CSNK2A2: variants seen among roughly 807,000 people sequenced by gnomAD.
The protein encoded by CSNK2A2 is casein kinase II subunit alpha'.
A neutral mutation model predicts 54.0 loss-of-function variants in CSNK2A2; 8 were observed. The observed-to-expected ratio is 0.15, with a 90% confidence interval of 0.09 to 0.27. CSNK2A2 has a LOEUF of 0.27. CSNK2A2 is among the 10% of genes least tolerant of loss of function. CSNK2A2 has a pLI of 1.00. For missense variants in CSNK2A2, 242 were observed against 439.4 expected (o/e 0.55, Z 4.02); for synonymous variants, 141 against 153.9 (o/e 0.92, Z 0.62).
rs1962009144 is a variant in CSNK2A2 at position 58,180,519 on chromosome 16, T to A, written c.369+3741A>T. 2.0e-5 allele frequency among the ~76,000 whole-genome samples: 3 copies of A among 152,102 alleles called. No homozygotes were observed. In the South Asian group the frequency reaches 6.2e-4, roughly 31 times the overall value. On this transcript the variant is annotated intron_variant, in intron 4 of 11. Transcript: ENST00000262506. ...AACCTGGATAAACTTTAAGTTATGTTTTAAAAAGGAAAGTATAGTTCAAAG... is the reference window on the plus strand; with the variant it reads ...AACCTGGATAAACTTTAAGTTATGTATTAAAAAGGAAAGTATAGTTCAAAG...
Position 58,197,825 on chromosome 16 carries a change from C to A in CSNK2A2, c.-89G>T. On this transcript the variant is annotated 5_prime_UTR_variant, in exon 1 of 12. Transcript: ENST00000262506. This position sits in a 1 kb window ranked among gnomAD's most constrained non-coding sequence, Gnocchi z 4.0. ...GCGGGGCGTCGGGCGGAGGAGGCAG[C>A]GGGCCGCCGGGCGCTGGAGGAGGAG... is the stretch of plus-strand genomic sequence containing the variant. 4.7e-6 allele frequency: 1 copy of A among 214,966 alleles called. No homozygotes were observed. The highest frequency in any genetic ancestry group is 7.2e-6 in the Non-Finnish European group (1 of 139,176). 13.3% of individuals were successfully genotyped at this position (214,966 alleles called of 1,614,324 possible).
intron 10 of CSNK2A2, 152 bp from the exon 11 acceptor site, chr16:58,164,299 C>CA: frequency 3.3e-6 from 2 of 605,166 alleles, no homozygotes; most frequent in Non-Finnish European, 5.8e-6. Context: ...CACGGAATTC[C>CA]AGCCATATAA....
chr16:58,180,564 A>C (rs1441131855), intron 4 of CSNK2A2, among the ~76,000 whole-genome samples: 1 of 152,228 alleles, frequency 6.6e-6, no homozygotes, highest in Non-Finnish European at 1.5e-5. Flanking sequence ...CATCCTTGAA[A>C]GACATCTATC....
chr16:58,163,987 T>C (rs1213499685), intron 11 of CSNK2A2, 67 bp downstream of exon 11: 1 of 1,209,466 alleles, frequency 8.3e-7, no homozygotes, highest in African/African-American at 1.5e-5. Context: ...TTTATCACAC[T>C]GTAGTTTTCC....
Position 58,164,307 on chromosome 16 carries a change from T to G in CSNK2A2, c.977-160A>C, listed in dbSNP as rs545877393. On this transcript the variant is annotated intron_variant, in intron 10 of 11. Transcript: ENST00000262506. Reference sequence around the variant, plus strand: ...CGGAAATCACGGAATTCCAGCCATATAAAAACCAAACACTGAAAAATGATC... The same window carrying G: ...CGGAAATCACGGAATTCCAGCCATAGAAAAACCAAACACTGAAAAATGATC... Among the ~76,000 whole-genome samples the G allele has an allele frequency of 1.6e-4, 25 of 152,212 alleles. 1 individual carries two copies. The highest frequency in any genetic ancestry group is 3.1e-4 in the Non-Finnish European group (21 of 68,034).
intron 2 of CSNK2A2, among the ~76,000 whole-genome samples, chr16:58,194,718 T>C (rs1003396541): frequency 2.0e-5 from 3 of 152,200 alleles, no homozygotes; most frequent in Non-Finnish European, 2.9e-5. Flanking sequence ...ATAATGACAT[T>C]AGGTAAGTTT....
In CSNK2A2 at chr16:58,158,087, CCAA is replaced by C. The variant is rs772937350; in HGVS notation, c.*281_*283del. 10 of 152,606 alleles carry C rather than the reference CCAA, an allele frequency of 6.6e-5. No homozygotes were observed. The highest frequency in any genetic ancestry group is 1.3e-4 in the Non-Finnish European group (9 of 68,044). 9.5% of individuals were successfully genotyped at this position (152,606 alleles called of 1,614,324 possible). A position where few individuals can be genotyped will look rare whatever the true frequency, so the allele number is the denominator to read the frequency against. On this transcript the variant is annotated 3_prime_UTR_variant, in exon 12 of 12. Coordinates refer to ENST00000262506, the MANE Select transcript of CSNK2A2 (RefSeq NM_001896.4). ...CGAGGGGCTCGGGGAGCAACAGTAACCAACAACATTCTGCATACCCTTCACATT... is the reference window on the plus strand; with the variant it reads ...CGAGGGGCTCGGGGAGCAACAGTAACCAACATTCTGCATACCCTTCACATT...
chr16:58,188,394 T>C (rs148121950), intron 2 of CSNK2A2, among the ~76,000 whole-genome samples: 1 of 152,328 alleles, frequency 6.6e-6, no homozygotes, highest in East Asian at 1.9e-4. Context: ...AAAAAAGCAC[T>C]GTACAATCTG....
chr16:58,185,706 G>A (rs1401889350), intron 3 of CSNK2A2, among the ~76,000 whole-genome samples: 5 of 152,136 alleles, frequency 3.3e-5, no homozygotes, highest in Non-Finnish European at 7.3e-5. Context: ...GTTACAATCT[G>A]GCATACAACC....
At chr16:58,158,486 G>A (rs367707751) in intron 11 of CSNK2A2, 133 bp from the exon 12 acceptor site, 1 of 152,312 alleles carries the variant, frequency 6.6e-6, no homozygotes, top group South Asian at 2.1e-4. Context: ...GGAGAACCCT[G>A]TGAGAACTCG....
Position 58,186,746 on chromosome 16 carries a change from G to A in CSNK2A2, c.318+9C>T, listed in dbSNP as rs1193446423. 10 of 1,609,312 alleles carry A rather than the reference G, an allele frequency of 6.2e-6. No homozygotes were observed. Among genetic ancestry groups the A allele is most frequent in the Non-Finnish European group, 6.8e-6 (8 of 1,176,080 alleles). ...TACTAGTATACTCCCCCAACCATTT[G>A]GCACCTACCACGGGGTCCTTTACAG... On this transcript the variant is annotated intron_variant, in intron 3 of 11. Transcript: ENST00000262506.
intron 2 of CSNK2A2, among the ~76,000 whole-genome samples, chr16:58,193,947 T>C (rs1962373906): frequency 6.6e-6 from 1 of 152,234 alleles, no homozygotes; most frequent in African/African-American, 2.4e-5. Flanking sequence ...TCTAAATTCC[T>C]AAAACTTTTT....
At chr16:58,166,749 C>T in intron 8 of CSNK2A2, 65 bp from the exon 9 acceptor site, 1 of 1,146,710 alleles carries the variant, frequency 8.7e-7, no homozygotes, top group Non-Finnish European at 1.3e-6. Flanking sequence ...CGTGAGGACA[C>T]TGCACCAAGG....
At chr16:58,182,919 A>G (rs1962094806) in intron 4 of CSNK2A2, among the ~76,000 whole-genome samples, 1 of 152,208 alleles carries the variant, frequency 6.6e-6, no homozygotes, top group South Asian at 2.1e-4. Context: ...TTTCACCTGT[A>G]AGGAGTCACA....
chr16:58,169,573 A>C (rs564074488), intron 5 of CSNK2A2, among the ~76,000 whole-genome samples: 19 of 151,982 alleles, frequency 1.3e-4, no homozygotes, highest in African/African-American at 4.6e-4. Context: ...TTGGAACCTC[A>C]CTGGAGTCAC....
chr16:58,182,387 A>AC (rs1168033932), intron 4 of CSNK2A2, among the ~76,000 whole-genome samples: 2 of 143,450 alleles, frequency 1.4e-5, no homozygotes, highest in Non-Finnish European at 3.0e-5. Flanking sequence ...AAAAAAAAAA[A>AC]AAAAAAAAAA....
chr16:58,176,910 G>A (rs1961894986), intron 4 of CSNK2A2, among the ~76,000 whole-genome samples: 2 of 152,204 alleles, frequency 1.3e-5, no homozygotes, highest in African/African-American at 4.8e-5. Flanking sequence ...GACCCCAAGA[G>A]TCTCATGCCA....
At chr16:58,168,565 C>T in intron 6 of CSNK2A2, 45 bp downstream of exon 6, 2 of 1,565,380 alleles carry the variant, frequency 1.3e-6, no homozygotes, top group Non-Finnish European at 1.8e-6. Flanking sequence ...TTGGTCTGCT[C>T]TAAGCCTTTT....
intron 11 of CSNK2A2, among the ~76,000 whole-genome samples, chr16:58,158,605 G>A (rs967699107): frequency 3.9e-5 from 6 of 152,214 alleles, no homozygotes; most frequent in African/African-American, 1.2e-4. Flanking sequence ...TGGGCACCAC[G>A]TGTGTTGTGA....
Sources: allele counts gnomAD v4.1 joint callset (sites outside exome capture counted in the v4.1 genomes callset), GRCh38; gene constraint gnomAD v4.1.1; non-coding constraint Gnocchi (gnomAD v3.1); transcripts MANE v1.5; gene names NCBI Gene and HGNC (gene_info 2026-07-23, HGNC 2026-07-21).